Variants in SV2C observed in about 807,000 individuals in gnomAD.
The protein encoded by SV2C is synaptic vesicle glycoprotein 2C.
SV2C carries 49 observed loss-of-function variants against 79.7 expected under a neutral mutation model. That is an observed-to-expected ratio of 0.61 (90% CI 0.49 to 0.78). The LOEUF is 0.78. Ranked by LOEUF, SV2C falls within the 30% of genes least tolerant of loss-of-function variation. The pLI, the probability that SV2C is intolerant of heterozygous loss-of-function variation, is 0.00. For missense variants in SV2C, 833 were observed against 912.9 expected, an observed-to-expected ratio of 0.91 and a Z score of 1.13; for synonymous variants, 334 against 333.2, an observed-to-expected ratio of 1.00 and a Z score of -0.03.
chr5:75,859,260 A>C, the SV2C span, among the ~76,000 whole-genome samples: 1 of 152,218 alleles, frequency 6.6e-6, no homozygotes, highest in South Asian at 2.1e-4. Flanking sequence ...CTATCATTTG[A>C]ATGAATCCAG....
At chr5:76,347,337 A>G (rs1749563478) in intron 12 of SV2C, among the ~76,000 whole-genome samples, 1 of 152,084 alleles carries the variant, frequency 6.6e-6, no homozygotes, top group Non-Finnish European at 1.5e-5. Context: ...ACCAGCAAAC[A>G]ACACTCTGGG....
intron 2 of SV2C, among the ~76,000 whole-genome samples, chr5:76,141,823 C>CAAAAAAAAAAAAA: frequency 1.4e-5 from 1 of 72,474 alleles, no homozygotes; most frequent in Non-Finnish European, 2.6e-5. Flanking sequence ...AAGTCCATCT[C>CAAAAAAAAAAAAA]AAAAAAAAAA....
At chr5:75,904,357 C>T in the SV2C span, among the ~76,000 whole-genome samples, 1 of 144,934 alleles carries the variant, frequency 6.9e-6, no homozygotes, top group Non-Finnish European at 1.5e-5. Context: ...TCTCAGAAGC[C>T]ACAGTCCTCA....
At chr5:76,175,321 A>G (rs1033909600) in intron 2 of SV2C, among the ~76,000 whole-genome samples, 1 of 152,200 alleles carries the variant, frequency 6.6e-6, no homozygotes, top group South Asian at 2.1e-4. Context: ...ACTGTAAAAC[A>G]AAAGGAAAGC....
At chr5:76,108,064 A>T (rs747409298) in intron 1 of SV2C, among the ~76,000 whole-genome samples, 17 of 152,176 alleles carry the variant, frequency 1.1e-4, no homozygotes, top group Non-Finnish European at 2.4e-4. Flanking sequence ...AATGTTGCAT[A>T]TATTTGTTTT....
chr5:75,920,525 T>G, the SV2C span: 2 of 435,860 alleles, frequency 4.6e-6, no homozygotes, highest in East Asian at 4.2e-5. Context: ...ACAGGAAGCA[T>G]GTCTGGTCAC....
At chr5:76,074,093 T>C in the SV2C span, among the ~76,000 whole-genome samples, 1 of 152,278 alleles carries the variant, frequency 6.6e-6, no homozygotes, top group East Asian at 1.9e-4. Flanking sequence ...CAGAACTTCC[T>C]CTGCAGTGAA....
chr5:76,158,339 G>A (rs1332541231), intron 2 of SV2C, among the ~76,000 whole-genome samples: 4 of 151,308 alleles, frequency 2.6e-5, no homozygotes, highest in South Asian at 2.1e-4. Context: ...TAGACTGAAA[G>A]TAAAAGGAAA....
chr5:76,019,534 T>C, the SV2C span, among the ~76,000 whole-genome samples: 2 of 151,996 alleles, frequency 1.3e-5, no homozygotes, highest in African/African-American at 2.4e-5. Flanking sequence ...TCTACAAGAG[T>C]ATTGCTCACC....
intron 4 of SV2C, among the ~76,000 whole-genome samples, chr5:76,222,239 C>T (rs1745087310): frequency 6.6e-6 from 1 of 152,312 alleles, no homozygotes; most frequent in South Asian, 2.1e-4. Context: ...TTATTTGTAA[C>T]ACCCAAAAGC....
intron 2 of SV2C, among the ~76,000 whole-genome samples, chr5:76,194,167 G>A (rs974275281): frequency 6.6e-6 from 1 of 152,116 alleles, no homozygotes; most frequent in African/African-American, 2.4e-5. Context: ...GGGGATAGGC[G>A]AGGCTTTGTT....
intron 12 of SV2C, among the ~76,000 whole-genome samples, chr5:76,311,776 A>T (rs1390417451): frequency 6.6e-6 from 1 of 152,134 alleles, no homozygotes; most frequent in Non-Finnish European, 1.5e-5. Context: ...CATCTAACAT[A>T]CTGGTGTGGG....
At chr5:76,033,308 A>C in the SV2C span, among the ~76,000 whole-genome samples, 6 of 152,118 alleles carry the variant, frequency 3.9e-5, no homozygotes, top group Non-Finnish European at 5.9e-5. Flanking sequence ...TGTTTTAGAC[A>C]TGAAGTCCTT....
At chr5:76,230,145 G>A (rs1421437484) in intron 4 of SV2C, among the ~76,000 whole-genome samples, 1 of 152,198 alleles carries the variant, frequency 6.6e-6, no homozygotes, top group Non-Finnish European at 1.5e-5. Flanking sequence ...TGAGTGTAAA[G>A]GAAGACAAAT....
At chr5:76,141,436 C>T (rs1325948067) in intron 2 of SV2C, among the ~76,000 whole-genome samples, 1 of 152,156 alleles carries the variant, frequency 6.6e-6, no homozygotes, top group Non-Finnish European at 1.5e-5. Context: ...GCCTTACATA[C>T]ATTGATCCAG....
At chr5:75,884,020 C>A in the SV2C span, among the ~76,000 whole-genome samples, 3 of 151,962 alleles carry the variant, frequency 2.0e-5, no homozygotes, top group African/African-American at 7.2e-5. Flanking sequence ...GTTGCAAATT[C>A]TGATTAATAA....
chr5:76,295,945 C>A lies in SV2C; in HGVS notation c.1502+3C>A. 1 of 1,562,506 alleles carries A rather than the reference C, an allele frequency of 6.4e-7. No individual in the cohort carries two copies. The highest frequency in any genetic ancestry group is 1.2e-5 in the South Asian group (1 of 83,774). ...GGAATGGAATACGACAATGGCAGGT[C>A]TAGAAACTTGAAATAATTTAATTTG... On this transcript the variant is annotated splice_donor_region_variant and intron_variant, in intron 9 of 12. Coordinates refer to ENST00000502798, the MANE Select transcript of SV2C (RefSeq NM_014979.4).
chr5:75,958,777 T>C, the SV2C span, among the ~76,000 whole-genome samples: 90 of 152,054 alleles, frequency 5.9e-4, no homozygotes, highest in African/African-American at 2.0e-3. Context: ...CCCTCTCTTG[T>C]AGTGGGAATG....
chr5:76,145,363 G>A lies in SV2C; in HGVS notation c.580+13033G>A, dbSNP rs117087951. ...TGTTGTTCTTCAGAGAAGCATTTGT[G>A]GAATATTTCTGTAGTGCTTGAATGG... is the stretch of plus-strand genomic sequence containing the variant. On this transcript the variant is annotated intron_variant, in intron 2 of 12. Transcript: ENST00000502798. Among the ~76,000 whole-genome samples the A allele has an allele frequency of 2.1e-3, 327 of 152,208 alleles. 14 individuals are homozygous for A. In the East Asian group the frequency reaches 0.06, roughly 28 times the overall value.
Sources: gnomAD v4.1 joint callset for allele counts (sites outside exome capture counted in the v4.1 genomes callset) on GRCh38, gnomAD v4.1.1 for gene constraint, MANE v1.5 for transcripts, NCBI Gene and HGNC (gene_info 2026-07-23, HGNC 2026-07-21) for gene names.